TENM4: variants seen among roughly 807,000 people sequenced by gnomAD.
TENM4 encodes teneurin transmembrane protein 4.
In TENM4, 82 loss-of-function variants were observed where a neutral mutation model predicts 243.3. That is an observed-to-expected ratio of 0.34 (90% CI 0.28 to 0.40). The LOEUF (loss-of-function observed/expected upper bound fraction) is 0.40, where lower values mean the gene tolerates loss of function less well. Among genes scored for constraint, TENM4 ranks in the 10% least tolerant of loss-of-function variants. TENM4 has a pLI of 1.00. For missense variants in TENM4, 3,138 were observed against 3,673.3 expected, an observed-to-expected ratio of 0.85 and a Z score of 3.77; for synonymous variants, 1,412 against 1,456.3, an observed-to-expected ratio of 0.97 and a Z score of 0.69.
chr11:79,275,425 G>A (rs565493656), intron 2 of TENM4, among the ~76,000 whole-genome samples: 1 of 152,342 alleles, frequency 6.6e-6, no homozygotes, highest in African/African-American at 2.4e-5. Context: ...GCATGTTTCT[G>A]TGCCAGCCCA....
intron 12 of TENM4, among the ~76,000 whole-genome samples, chr11:78,831,901 T>C (rs573937013): frequency 3.9e-5 from 6 of 152,336 alleles, no homozygotes; most frequent in East Asian, 1.9e-4. Context: ...AGCTTCCTCA[T>C]TCGAACCCCA....
intron 1 of TENM4, among the ~76,000 whole-genome samples, chr11:79,380,643 G>A (rs1857982390): frequency 6.6e-6 from 1 of 152,198 alleles, no homozygotes; most frequent in South Asian, 2.1e-4. Context: ...AATGCACACT[G>A]TGAACCTCCA....
chr11:78,760,331 C>T (rs910211614), intron 18 of TENM4, among the ~76,000 whole-genome samples: 1 of 152,234 alleles, frequency 6.6e-6, no homozygotes, highest in African/African-American at 2.4e-5. Context: ...TCTCTCCAGG[C>T]AAACTACCTG....
At chr11:78,787,946 C>T (rs577914395) in intron 15 of TENM4, among the ~76,000 whole-genome samples, 2 of 152,322 alleles carry the variant, frequency 1.3e-5, no homozygotes, top group East Asian at 3.9e-4. Flanking sequence ...TTCCAAAATA[C>T]AACTGCTCTT....
chr11:79,378,697 G>T (rs1357553915), intron 1 of TENM4, among the ~76,000 whole-genome samples: 1 of 152,018 alleles, frequency 6.6e-6, no homozygotes, highest in Non-Finnish European at 1.5e-5. Flanking sequence ...TGCCTCAGCA[G>T]CCTCACCTGT....
At chr11:79,054,021 A>G (rs943650425) in intron 6 of TENM4, among the ~76,000 whole-genome samples, 3 of 152,142 alleles carry the variant, frequency 2.0e-5, no homozygotes, top group Non-Finnish European at 4.4e-5. Flanking sequence ...GTTCCTCTCC[A>G]GTTGCCTTTG....
chr11:79,340,108 C>G (rs1056754090), intron 1 of TENM4, among the ~76,000 whole-genome samples: 1 of 152,196 alleles, frequency 6.6e-6, no homozygotes, highest in Non-Finnish European at 1.5e-5. Context: ...AAGGGAGCTT[C>G]GAATGGAATC....
intron 12 of TENM4, among the ~76,000 whole-genome samples, chr11:78,825,438 C>T (rs1422023766): frequency 6.6e-6 from 1 of 152,178 alleles, no homozygotes; most frequent in Non-Finnish European, 1.5e-5. Context: ...ACATGGATTG[C>T]TGGGCCCTAC....
intron 1 of TENM4, among the ~76,000 whole-genome samples, chr11:79,361,579 G>A (rs1029932759): frequency 6.6e-6 from 1 of 152,126 alleles, no homozygotes; most frequent in Non-Finnish European, 1.5e-5. Context: ...CCACACCTTT[G>A]TAAATAGTCC....
intron 2 of TENM4, chr11:79,220,859 T>C (rs1378654177): frequency 6.6e-6 from 1 of 152,208 alleles, no homozygotes; most frequent in Non-Finnish European, 1.5e-5. Flanking sequence ...GTAGTTCTTC[T>C]GGGATTTTTA....
chr11:79,249,369 C>T (rs1471404716), intron 2 of TENM4, among the ~76,000 whole-genome samples: 1 of 152,188 alleles, frequency 6.6e-6, no homozygotes, highest in Non-Finnish European at 1.5e-5. Context: ...CTAGCCCATG[C>T]ATTTTCCATC....
intron 1 of TENM4, among the ~76,000 whole-genome samples, chr11:79,371,601 A>G (rs1857787895): frequency 6.6e-6 from 1 of 152,128 alleles, no homozygotes; most frequent in Non-Finnish European, 1.5e-5. Flanking sequence ...CCTTCACAAC[A>G]TCCCAGATCT....
chr11:79,383,719 T>C (rs757667653), intron 1 of TENM4, among the ~76,000 whole-genome samples: 2 of 152,220 alleles, frequency 1.3e-5, no homozygotes, highest in African/African-American at 4.8e-5. Context: ...TATATATACA[T>C]GTGTTTCTAT....
chr11:79,113,392 G>GGTGTGTGTGTGTGTGTGTGTGTGTGTGT (rs113144339), intron 4 of TENM4, among the ~76,000 whole-genome samples: 1 of 145,082 alleles, frequency 6.9e-6, no homozygotes, highest in Non-Finnish European at 1.5e-5. Flanking sequence ...CTATTGGATT[G>GGTGTGTGTGTGTGTGTGTGTGTGTGTGT]GTGTGTGTGT....
chr11:79,046,577 T>A (rs937594489), intron 6 of TENM4, among the ~76,000 whole-genome samples: 3 of 152,158 alleles, frequency 2.0e-5, no homozygotes, highest in African/African-American at 7.2e-5. Flanking sequence ...GGGAACCTAC[T>A]CCAATATGAC....
Position 78,962,237 on chromosome 11 carries a change from G to A in TENM4, c.494-58714C>T, listed in dbSNP as rs192186780. 1,102 of 151,824 alleles carry A rather than the reference G, an allele frequency of 7.3e-3. 12 individuals are homozygous for A. The highest frequency in any genetic ancestry group is 0.017 in the Middle Eastern group (5 of 300). The allele number at this position is 151,824 out of a possible 1,614,324, so 9.4% of individuals were successfully genotyped here. ...CAGAGTCTGAGTCCGGGGTTGGCTG[G>A]GCCACACCGTTGCCTAGCAACCGCC... is the stretch of plus-strand genomic sequence containing the variant. On this transcript the variant is annotated intron_variant, in intron 6 of 33. Transcript: ENST00000278550.
intron 3 of TENM4, among the ~76,000 whole-genome samples, chr11:79,178,444 A>G (rs548427186): frequency 1.3e-5 from 2 of 152,270 alleles, no homozygotes; most frequent in South Asian, 4.2e-4. Flanking sequence ...CTGCATTCAG[A>G]GGATTCATGA....
At chr11:78,933,855 C>A (rs1214879334) in intron 6 of TENM4, among the ~76,000 whole-genome samples, 1 of 152,144 alleles carries the variant, frequency 6.6e-6, no homozygotes, top group Non-Finnish European at 1.5e-5. Flanking sequence ...GAGCACCTCT[C>A]TCCCCTTCTG....
At chr11:79,133,885 A>G (rs1383039430) in intron 4 of TENM4, among the ~76,000 whole-genome samples, 2 of 152,168 alleles carry the variant, frequency 1.3e-5, no homozygotes, top group East Asian at 3.8e-4. Context: ...CCCACAGACA[A>G]CATAATATTG....
Sources: gnomAD v4.1 joint callset for allele counts (sites outside exome capture counted in the v4.1 genomes callset) on GRCh38, gnomAD v4.1.1 for gene constraint, MANE v1.5 for transcripts, NCBI Gene and HGNC (gene_info 2026-07-23, HGNC 2026-07-21) for gene names.